COL19A1: variants seen among roughly 807,000 people sequenced by gnomAD.
The protein encoded by COL19A1 is collagen alpha-1(XIX) chain.
Under a neutral mutation model 190.2 loss-of-function variants are expected in COL19A1, and 159 were observed. The observed-to-expected ratio is 0.84, with a 90% CI of 0.73 to 0.95. The LOEUF (loss-of-function observed/expected upper bound fraction) is 0.95. Among genes scored for constraint, COL19A1 ranks in the 40% least tolerant of loss-of-function variants. The pLI is 0.00. For synonymous variants in COL19A1, 509 were observed against 458.9 expected (o/e 1.11, Z -1.39); for missense variants, 1,418 against 1,431.9 (o/e 0.99, Z 0.16).
At chr6:70,113,752 T>C (rs768519520) in intron 16 of COL19A1, among the ~76,000 whole-genome samples, 6 of 151,934 alleles carry the variant, frequency 3.9e-5, no homozygotes, top group Non-Finnish European at 7.4e-5. Context: ...TTGAACTTCC[T>C]TGTGTCTCTG....
At chr6:69,907,107 A>ATTTTTTTTTTTT (rs56927758) in intron 4 of COL19A1, among the ~76,000 whole-genome samples, 6 of 129,396 alleles carry the variant, frequency 4.6e-5, no homozygotes, top group Non-Finnish European at 6.5e-5. Flanking sequence ...TATTATTATT[A>ATTTTTTTTTTTT]TTTTTTTTTT....
chr6:69,946,271 G>A (rs1443753361), intron 9 of COL19A1, among the ~76,000 whole-genome samples: 1 of 151,638 alleles, frequency 6.6e-6, no homozygotes. Flanking sequence ...ACTTCTGTGA[G>A]GTTATTACTA....
chr6:69,870,067 C>T (rs1176196187), intron 1 of COL19A1, among the ~76,000 whole-genome samples: 4 of 152,120 alleles, frequency 2.6e-5, no homozygotes, highest in Non-Finnish European at 5.9e-5. Context: ...TCTATTTCTC[C>T]ATCATTCTTT....
At chr6:70,190,837 C>G (rs955524419) in intron 48 of COL19A1, among the ~76,000 whole-genome samples, 4 of 152,140 alleles carry the variant, frequency 2.6e-5, no homozygotes, top group African/African-American at 7.2e-5. Context: ...AACTGTACCC[C>G]CTAGCCAAAG....
At chr6:70,037,104 G>C (rs1425779612) in intron 14 of COL19A1, among the ~76,000 whole-genome samples, 2 of 151,998 alleles carry the variant, frequency 1.3e-5, no homozygotes, top group Admixed American at 6.6e-5. Context: ...CTATTTTTTT[G>C]AGAGGAGGTT....
intron 4 of COL19A1, among the ~76,000 whole-genome samples, chr6:69,914,557 C>T (rs1771168899): frequency 6.6e-6 from 1 of 152,182 alleles, no homozygotes; most frequent in African/African-American, 2.4e-5. Flanking sequence ...AATTTGGAAG[C>T]CAGTTCTTGA....
intron 9 of COL19A1, among the ~76,000 whole-genome samples, chr6:69,950,431 T>C (rs1035337936): frequency 1.3e-5 from 2 of 151,820 alleles, no homozygotes; most frequent in South Asian, 4.1e-4. Flanking sequence ...AAACATTGCA[T>C]AAAAATAACT....
intron 11 of COL19A1, among the ~76,000 whole-genome samples, chr6:69,980,655 A>C (rs1355385848): frequency 1.3e-5 from 2 of 152,216 alleles, no homozygotes; most frequent in Non-Finnish European, 2.9e-5. Context: ...GTACGTTCCA[A>C]AGAGTTTTTA....
chr6:70,062,050 T>C (rs953549393), intron 14 of COL19A1, among the ~76,000 whole-genome samples: 1 of 137,004 alleles, frequency 7.3e-6, no homozygotes, highest in African/African-American at 3.7e-5. Flanking sequence ...TTTTTTTCCC[T>C]TTTTTTTCCT....
At chr6:70,115,825 G>GTTTTTTTTTTTTTTTTT (rs57814985) in intron 16 of COL19A1, among the ~76,000 whole-genome samples, 1 of 117,202 alleles carries the variant, frequency 8.5e-6, no homozygotes, top group African/African-American at 3.3e-5. Flanking sequence ...TTGGTGTTTT[G>GTTTTTTTTTTTTTTTTT]TTTTTTTTTT....
At chr6:70,072,100 G>A (rs1781595264) in intron 15 of COL19A1, among the ~76,000 whole-genome samples, 1 of 152,162 alleles carries the variant, frequency 6.6e-6, no homozygotes, top group African/African-American at 2.4e-5. Flanking sequence ...AAGTATCTTT[G>A]TGAAAAGTGG....
intron 14 of COL19A1, among the ~76,000 whole-genome samples, chr6:70,059,989 C>G (rs1780729950): frequency 6.6e-6 from 1 of 152,144 alleles, no homozygotes; most frequent in South Asian, 2.1e-4. Context: ...GACTATGATT[C>G]TCTAACTGCA....
intron 41 of COL19A1, among the ~76,000 whole-genome samples, chr6:70,174,420 C>T (rs1010864261): frequency 5.3e-5 from 8 of 152,098 alleles, no homozygotes; most frequent in Non-Finnish European, 7.4e-5. Context: ...ATTAGCCAAG[C>T]GTGGTGGCAG....
At chr6:70,067,111 A>C (rs1781279135) in intron 14 of COL19A1, among the ~76,000 whole-genome samples, 1 of 152,164 alleles carries the variant, frequency 6.6e-6, no homozygotes, top group Non-Finnish European at 1.5e-5. Flanking sequence ...ACTTGAGAGA[A>C]AAAGTGCAAG....
chr6:69,934,688 G>T (rs1005434856), intron 7 of COL19A1, among the ~76,000 whole-genome samples: 3 of 151,906 alleles, frequency 2.0e-5, no homozygotes, highest in Non-Finnish European at 4.4e-5. Context: ...AGAACACAAG[G>T]TAGGAATTTA....
At chr6:70,009,904 G>A (rs887091647) in intron 11 of COL19A1, among the ~76,000 whole-genome samples, 4 of 147,826 alleles carry the variant, frequency 2.7e-5, no homozygotes, top group African/African-American at 8.0e-5. Context: ...AGAAAGACAA[G>A]AACTTCAACC....
intron 5 of COL19A1, 55 bp downstream of exon 5, chr6:69,928,087 T>G: frequency 1.9e-6 from 3 of 1,587,460 alleles, no homozygotes; most frequent in Non-Finnish European, 2.6e-6. Context: ...TTAAGCCAGG[T>G]GAATTATTTG....
chr6:70,198,018 G>T (rs1434262507), intron 48 of COL19A1, among the ~76,000 whole-genome samples: 1 of 152,210 alleles, frequency 6.6e-6, no homozygotes, highest in Non-Finnish European at 1.5e-5. Flanking sequence ...TGGGAAAACA[G>T]ATTTTCCTCA....
chr6:70,064,533 C>G (rs530088942), intron 14 of COL19A1, among the ~76,000 whole-genome samples: 17 of 152,278 alleles, frequency 1.1e-4, no homozygotes, highest in African/African-American at 4.1e-4. Flanking sequence ...TGGAAGCATT[C>G]CCTTTGAAAA....
Sources: gnomAD v4.1 joint callset for allele counts (sites outside exome capture counted in the v4.1 genomes callset) on GRCh38, gnomAD v4.1.1 for gene constraint, MANE v1.5 for transcripts, NCBI Gene and HGNC (gene_info 2026-07-23, HGNC 2026-07-21) for gene names.